The following ABCG1 variants were observed in gnomAD, a reference collection of about 807,000 sequenced individuals.
ABCG1 encodes the protein ATP-binding cassette sub-family G member 1.
Under a neutral mutation model 69.2 loss-of-function variants are expected in ABCG1, and 29 were observed. The ratio of observed to expected loss-of-function variants is 0.42; its 90% CI spans 0.31 to 0.57. The LOEUF (loss-of-function observed/expected upper bound fraction) is 0.57. Among genes scored for constraint, ABCG1 ranks in the 20% least tolerant of loss-of-function variants. The probability of loss-of-function intolerance (pLI) is 0.15; values close to 1 mark genes in which losing one functional copy is unlikely to be tolerated. For missense variants in ABCG1, 718 were observed against 898.1 expected, an observed-to-expected ratio of 0.80 and a Z score of 2.56; for synonymous variants, 370 against 374.8, an observed-to-expected ratio of 0.99 and a Z score of 0.15.
At chr21:42,207,003 C>G (rs13052527) in intron 2 of ABCG1, 4 of 152,002 alleles carry the variant, frequency 2.6e-5, no homozygotes, top group Non-Finnish European at 5.9e-5. Flanking sequence ...TATTGTTTCT[C>G]TCTCATTCCC....
rs1175676553 is a variant in ABCG1 at position 42,291,192 on chromosome 21, G to A, written c.1494G>A (p.Gln498=). The part of the protein sequence containing the change: ...LAKTMADVPF[Q]IMFPVAYCSI... ...AGACCATGGCAGACGTGCCCTTTCA[G>A]GTGTGTTAGCCAGGGGCTGGAATTT... is the stretch of plus-strand genomic sequence containing the variant. The change falls in exon 12 of 15, where the codon CAG becomes CAA. Residue 498 remains glutamine (Q), a splice_region_variant and synonymous_variant. Transcript: ENST00000398449. This position sits in a 1 kb window ranked among gnomAD's most constrained non-coding sequence, Gnocchi z 6.4. 3.1e-6 allele frequency: 5 copies of A among 1,611,896 alleles called. No individual in the cohort carries two copies. In the East Asian group the frequency reaches 1.1e-4, roughly 36 times the overall value.
chr21:42,287,737 A>C lies in ABCG1; in HGVS notation c.974-152A>C. ...GGGTTTGAGAGCCGCACGCTGGTTGATAAATGATTTTGACGTCATGCCATT... is the reference window on the plus strand; with the variant it reads ...GGGTTTGAGAGCCGCACGCTGGTTGCTAAATGATTTTGACGTCATGCCATT... On this transcript the variant is annotated intron_variant, in intron 8 of 14. Transcript: ENST00000398449. The surrounding 1 kb of genome is among the most constrained non-coding windows in gnomAD (Gnocchi z 6.2). 1.2e-6 allele frequency: 1 copy of C among 802,666 alleles called. No homozygotes were observed. The highest frequency in any genetic ancestry group is 1.9e-6 in the Non-Finnish European group (1 of 518,208). 49.7% of individuals were successfully genotyped at this position (802,666 alleles called of 1,614,324 possible).
chr21:42,256,449 C>T, intron 2 of ABCG1: 1 of 1,549,440 alleles, frequency 6.5e-7, no homozygotes, highest in East Asian at 2.4e-5. Flanking sequence ...CCAGAGGCCG[C>T]AGAGTATCCA....
chr21:42,215,355 G>A (rs985098993), upstream of ABCG1, among the ~76,000 whole-genome samples: 2 of 152,214 alleles, frequency 1.3e-5, no homozygotes, highest in African/African-American at 4.8e-5. Flanking sequence ...TTCATGTTCA[G>A]CCTCAGCAGC....
At position 42,219,941 on chromosome 21, in the gene ABCG1, C is replaced by T. The variant is rs1424402614; in HGVS notation, c.42+637C>T. 2.6e-6 allele frequency: 4 copies of T among 1,551,050 alleles called. No homozygotes were observed. ...TTCCTGCCGGCCGCCTTTCTGCGCG[C>T]GCCGGAGAGAGAGACGCGGTGGGGA... On this transcript the variant is annotated intron_variant, in intron 1 of 14. Coordinates refer to ENST00000398449, the MANE Select transcript of ABCG1 (RefSeq NM_016818.3). The surrounding 1 kb of genome is among the most constrained non-coding windows in gnomAD (Gnocchi z 5.3).
intron 2 of ABCG1, chr21:42,206,935 A>G (rs1351770484): frequency 1.5e-5 from 2 of 135,104 alleles, no homozygotes; most frequent in East Asian, 2.2e-4. Context: ...GTCTTCTTCT[A>G]TTGTTTTCAG....
chr21:42,274,870 G>A (rs8126601), intron 4 of ABCG1, among the ~76,000 whole-genome samples: 7,475 of 152,210 alleles, frequency 0.049, 595 homozygotes, highest in African/African-American at 0.17. Context: ...CCCATTAAGA[G>A]GAGATTGAAA....
At chr21:42,242,122 T>C (rs1476769297) in intron 2 of ABCG1, among the ~76,000 whole-genome samples, 1 of 152,234 alleles carries the variant, frequency 6.6e-6, no homozygotes, top group Non-Finnish European at 1.5e-5. Context: ...TACATTTTAT[T>C]TTAAGCAAAG....
upstream of ABCG1, chr21:42,219,079 A>T: frequency 2.7e-6 from 1 of 376,460 alleles, no homozygotes; most frequent in Non-Finnish European, 4.1e-6. The surrounding 1 kb of genome is among the most constrained non-coding windows in gnomAD (Gnocchi z 5.3). Flanking sequence ...GGTGCCGGCC[A>T]ATCGCGCGCT....
chr21:42,264,218 C>G (rs1489242445), intron 2 of ABCG1, among the ~76,000 whole-genome samples: 1 of 152,184 alleles, frequency 6.6e-6, no homozygotes, highest in Non-Finnish European at 1.5e-5. Flanking sequence ...CACCGGAATT[C>G]GGGATGTCTG....
chr21:42,285,800 G>A (rs2068928762), intron 7 of ABCG1, 80 bp from the exon 8 acceptor site: 4 of 944,904 alleles, frequency 4.2e-6, no homozygotes, highest in East Asian at 4.8e-5. Context: ...TGATTGATTG[G>A]TTGATTGATT....
In ABCG1 at chr21:42,288,237, C is replaced by T. The variant is rs982339636; in HGVS notation, c.1149C>T (p.His383=). The T allele has an allele frequency of 5.0e-6, 8 of 1,614,124 alleles. No individual in the cohort carries two copies. The highest frequency in any genetic ancestry group is 4.2e-6 in the Non-Finnish European group (5 of 1,180,050). ...ACTCCTCGTCCATGGAAGGCTGCCA[C>T]AGCTTCTCTGCCAGCTGCCTCACGC... ...EEDSSSMEGC[H]SFSASCLTQF... Residue 383 remains histidine (H), a synonymous_variant, in exon 10 of 15, where the codon CAC becomes CAT. Transcript: ENST00000398449. The surrounding 1 kb of genome is among the most constrained non-coding windows in gnomAD (Gnocchi z 4.8).
intron 2 of ABCG1, among the ~76,000 whole-genome samples, chr21:42,209,870 A>G (rs8129752): frequency 0.023 from 3,541 of 152,330 alleles, 137 homozygotes; most frequent in African/African-American, 0.08. Context: ...ACAGGGGCAC[A>G]GAGAAGAACG....
At position 42,247,801 on chromosome 21, in the gene ABCG1, AAGAGAC is replaced by A. The variant is rs549404936; in HGVS notation, c.286+21895_286+21900del. Reference sequence around the variant, plus strand: ...AAAAAGTCACAGAGATGCAGGGGAGAAGAGACAGAGACATGTGGAGGAGACAGCCCC... The same window carrying A: ...AAAAAGTCACAGAGATGCAGGGGAGAAGAGACATGTGGAGGAGACAGCCCC... On this transcript the variant is annotated intron_variant, in intron 2 of 14. Transcript: ENST00000398449. 4.7e-3 allele frequency among the ~76,000 whole-genome samples: 710 copies of A among 152,268 alleles called. 7 individuals carry two copies. The highest frequency in any genetic ancestry group is 0.016 in the African/African-American group (677 of 41,540).
chr21:42,221,348 C>T (rs147249498), intron 1 of ABCG1: 150 of 152,310 alleles, frequency 9.8e-4, no homozygotes, highest in African/African-American at 3.4e-3. Flanking sequence ...AAGAGCCCTT[C>T]AGAGATACCA....
At chr21:42,201,831 G>A (rs2067508963) in intron 2 of ABCG1, 1 of 1,583,838 alleles carries the variant, frequency 6.3e-7, no homozygotes, top group Non-Finnish European at 8.6e-7. Flanking sequence ...ATGATTCTTG[G>A]TGTGGGCTGT....
chr21:42,227,322 T>C (rs757583245), intron 2 of ABCG1, among the ~76,000 whole-genome samples: 4 of 152,212 alleles, frequency 2.6e-5, no homozygotes, highest in Non-Finnish European at 5.9e-5. Flanking sequence ...GGTTCTAGAA[T>C]TCTCCTTCTC....
At chr21:42,228,944 G>A (rs1009449351) in intron 2 of ABCG1, among the ~76,000 whole-genome samples, 34 of 152,364 alleles carry the variant, frequency 2.2e-4, no homozygotes, top group Admixed American at 1.1e-3. Context: ...CGGATCTTGT[G>A]TTGGGGCTGC....
chr21:42,296,660 A>T lies in ABCG1; in HGVS notation c.*268A>T. 3 of 451,556 alleles carry T rather than the reference A, an allele frequency of 6.6e-6. No homozygotes were observed. Among genetic ancestry groups the T allele is most frequent in the Non-Finnish European group, 8.2e-6 (2 of 244,596 alleles). The allele number at this position is 451,556 out of a possible 1,614,324, so 28.0% of individuals were successfully genotyped here. A position where few individuals can be genotyped will look rare whatever the true frequency, so the allele number is the denominator to read the frequency against. On this transcript the variant is annotated 3_prime_UTR_variant, in exon 15 of 15. Coordinates refer to ENST00000398449, the MANE Select transcript of ABCG1 (RefSeq NM_016818.3). This position sits in a 1 kb window ranked among gnomAD's most constrained non-coding sequence, Gnocchi z 5.4. ...TTTAACATACAGAATTTTAAATACC[A>T]CAACTGGGGCAGAATTTAAAGCTGC...
Sources: gnomAD v4.1 joint callset for allele counts (sites outside exome capture counted in the v4.1 genomes callset) on GRCh38, gnomAD v4.1.1 for gene constraint, Gnocchi (gnomAD v3.1) non-coding constraint, MANE v1.5 for transcripts, NCBI Gene and HGNC (gene_info 2026-07-23, HGNC 2026-07-21) for gene names.